KLF12: variants seen among roughly 807,000 people sequenced by gnomAD.
KLF12 encodes the protein KLF transcription factor 12.
Under a neutral mutation model 37.8 loss-of-function variants are expected in KLF12, and 9 were observed. The ratio of observed to expected loss-of-function variants is 0.24; its 90% confidence interval spans 0.14 to 0.42. The LOEUF is 0.42. Ranked by LOEUF, KLF12 falls within the 10% of genes least tolerant of loss-of-function variation. The probability of loss-of-function intolerance (pLI) is 1.00; values close to 1 mark genes in which losing one functional copy is unlikely to be tolerated. For missense variants in KLF12, 411 were observed against 516.0 expected (o/e 0.80, Z 1.97); for synonymous variants, 208 against 202.1 (o/e 1.03, Z -0.25).
intron 5 of KLF12, chr13:73,801,715 G>T (rs1439743371): frequency 6.6e-6 from 1 of 152,070 alleles, no homozygotes; most frequent in African/African-American, 2.4e-5. Flanking sequence ...GGAATACACT[G>T]TATGACCACA....
intron 2 of KLF12, among the ~76,000 whole-genome samples, chr13:73,955,865 A>ATACCTGCATTTAGG (rs144828625): frequency 0.034 from 5,244 of 152,284 alleles, 96 homozygotes; most frequent in East Asian, 0.075. Context: ...ATATGAAGTC[A>ATACCTGCATTTAGG]GCAATACCAA....
chr13:74,098,084 C>T (rs965651367), intron 1 of KLF12, among the ~76,000 whole-genome samples: 2 of 152,100 alleles, frequency 1.3e-5, no homozygotes, highest in African/African-American at 2.4e-5. Flanking sequence ...TATGCTGACC[C>T]TTCTGTATCA....
intron 2 of KLF12, among the ~76,000 whole-genome samples, chr13:73,958,854 G>A (rs1254967076): frequency 2.7e-5 from 4 of 150,326 alleles, no homozygotes; most frequent in African/African-American, 9.7e-5. Context: ...CTTAGCGTAT[G>A]AGTCAGTCCC....
At chr13:74,125,994 A>T (rs940757243) in intron 1 of KLF12, among the ~76,000 whole-genome samples, 2 of 152,292 alleles carry the variant, frequency 1.3e-5, no homozygotes, top group South Asian at 2.1e-4. Context: ...TCATTACTTT[A>T]CTTTGCTGAA....
chr13:74,035,442 C>A (rs906988309), intron 1 of KLF12, among the ~76,000 whole-genome samples: 1 of 151,972 alleles, frequency 6.6e-6, no homozygotes, highest in Non-Finnish European at 1.5e-5. Flanking sequence ...ATTTTTGATC[C>A]CCATTGCAGG....
At chr13:74,187,687 T>C in the KLF12 span, among the ~76,000 whole-genome samples, 1 of 152,178 alleles carries the variant, frequency 6.6e-6, no homozygotes, top group South Asian at 2.1e-4. Context: ...TAGGGATGAC[T>C]GGGGGCCAGA....
chr13:74,118,944 AAAGG>A (rs1241113515), intron 1 of KLF12, among the ~76,000 whole-genome samples: 1 of 152,320 alleles, frequency 6.6e-6, no homozygotes, highest in East Asian at 1.9e-4. Flanking sequence ...GAAACAAATA[AAAGG>A]AAGACAATAA....
At chr13:74,058,994 CTA>C (rs1327044966) in intron 1 of KLF12, among the ~76,000 whole-genome samples, 9 of 152,300 alleles carry the variant, frequency 5.9e-5, no homozygotes, top group Admixed American at 5.2e-4. Context: ...TTGTTTATGA[CTA>C]TGTGGACCCA....
intron 7 of KLF12, among the ~76,000 whole-genome samples, chr13:73,700,282 A>T (rs7336654): frequency 0.6 from 90,056 of 148,950 alleles, 28,942 homozygotes; most frequent in Non-Finnish European, 0.71. Context: ...ATAAATAAAT[A>T]AATTAATTAA....
At chr13:74,083,251 G>A (rs1039952914) in intron 1 of KLF12, among the ~76,000 whole-genome samples, 16 of 152,090 alleles carry the variant, frequency 1.1e-4, no homozygotes, top group Admixed American at 4.6e-4. Flanking sequence ...AGTGGCTCAC[G>A]CCTGCAATCC....
At chr13:74,280,207 T>G in the KLF12 span, among the ~76,000 whole-genome samples, 1 of 152,188 alleles carries the variant, frequency 6.6e-6, no homozygotes, top group Non-Finnish European at 1.5e-5. Context: ...TCATATCTCC[T>G]TTACACATTA....
At chr13:73,760,738 AG>A (rs1440106790) in intron 6 of KLF12, among the ~76,000 whole-genome samples, 1 of 152,198 alleles carries the variant, frequency 6.6e-6, no homozygotes, top group Non-Finnish European at 1.5e-5. Flanking sequence ...TACTGGTTTT[AG>A]GTACACAGCA....
the KLF12 span, among the ~76,000 whole-genome samples, chr13:74,204,506 T>A: frequency 6.6e-6 from 1 of 152,140 alleles, no homozygotes; most frequent in Non-Finnish European, 1.5e-5. Context: ...ATTATTCTTC[T>A]CAATTTATTT....
chr13:73,721,065 C>A (rs776091053), intron 6 of KLF12, among the ~76,000 whole-genome samples: 1 of 152,222 alleles, frequency 6.6e-6, no homozygotes, highest in Non-Finnish European at 1.5e-5. Context: ...TTACAGAATG[C>A]TTAGTGGGTG....
the KLF12 span, among the ~76,000 whole-genome samples, chr13:74,266,624 A>G: frequency 5.3e-5 from 8 of 152,206 alleles, no homozygotes; most frequent in African/African-American, 1.9e-4. Flanking sequence ...GATTCCTGTG[A>G]CTAATTAGTA....
At chr13:73,944,834 C>G (rs1259467675) in intron 2 of KLF12, among the ~76,000 whole-genome samples, 6 of 152,150 alleles carry the variant, frequency 3.9e-5, no homozygotes, top group Admixed American at 3.9e-4. Context: ...TGGGGATTTT[C>G]TACAGTCAGC....
chr13:74,069,719 A>G (rs1048666808), intron 1 of KLF12, among the ~76,000 whole-genome samples: 1 of 152,230 alleles, frequency 6.6e-6, no homozygotes, highest in Admixed American at 6.5e-5. Context: ...TTACAAAAAT[A>G]GTCCAATAAA....
rs372757715 is a variant in KLF12 at position 73,765,528 on chromosome 13, G to T, written c.807-528C>A. Among the ~76,000 whole-genome samples, 3 of 152,298 alleles carry T rather than the reference G, an allele frequency of 2.0e-5. No individual in the cohort carries two copies. In the South Asian group the frequency reaches 6.2e-4, roughly 32 times the overall value. On this transcript the variant is annotated intron_variant, in intron 5 of 7. Coordinates refer to ENST00000377669, the MANE Select transcript of KLF12 (RefSeq NM_007249.5). ...GAAGGGTGAACAGGTACTCCTAGGA[G>T]GAGTACATTCTGGAAGTGATGTGCT...
chr13:74,290,748 CA>C, the KLF12 span, among the ~76,000 whole-genome samples: 1 of 152,228 alleles, frequency 6.6e-6, no homozygotes, highest in African/African-American at 2.4e-5. Context: ...TGCACTTCAA[CA>C]AACTGTTGGA....
Sources: gnomAD v4.1 joint callset for allele counts (sites outside exome capture counted in the v4.1 genomes callset) on GRCh38, gnomAD v4.1.1 for gene constraint, MANE v1.5 for transcripts, NCBI Gene and HGNC (gene_info 2026-07-23, HGNC 2026-07-21) for gene names.